The following RTL9 variants were observed in gnomAD, a reference collection of about 807,000 sequenced individuals.
RTL9 encodes retrotransposon Gag like 9, also known as retrotransposon Gag-like protein 9.
RTL9 carries 19 observed loss-of-function variants against 44.7 expected under a neutral mutation model. The observed-to-expected ratio is 0.42, with a 90% confidence interval of 0.30 to 0.62. RTL9 has a LOEUF of 0.62. RTL9 is among the 20% of genes least tolerant of loss of function. The pLI is 0.16. For synonymous variants in RTL9, 407 were observed against 398.9 expected, an observed-to-expected ratio of 1.02 and a Z score of -0.24; for missense variants, 1,105 against 1,080.6, an observed-to-expected ratio of 1.02 and a Z score of -0.32.
chrX:110,404,289 A>G (rs1225963661), intron 1 of RTL9, among the ~76,000 whole-genome samples: 6 of 111,381 alleles, frequency 5.4e-5, no homozygotes, highest in African/African-American at 2.0e-4. Flanking sequence ...CTGTCTTCTG[A>G]AGTCTTTACA....
At chrX:110,439,699 C>T (rs761543600) in intron 1 of RTL9, among the ~76,000 whole-genome samples, 12 of 111,268 alleles carry the variant, frequency 1.1e-4, no homozygotes, top group East Asian at 2.8e-4. Flanking sequence ...TGGGAAAGAA[C>T]GAACAGGCAT....
Position 110,375,782 on chromosome X carries a change from CAAGTTTTCTTAGCATGGA to C in RTL9, c.-168+16871_-168+16888del, listed in dbSNP as rs200349642. 1.5e-4 allele frequency among the ~76,000 whole-genome samples: 17 copies of C among 111,779 alleles called. No homozygotes were observed. In the East Asian group the frequency reaches 4.4e-3, roughly 29 times the overall value. On this transcript the variant is annotated intron_variant, in intron 1 of 2. Coordinates refer to the RTL9 transcript ENST00000520821. ...GAAATCATAAGTGGGCTAATGATTT[CAAGTTTTCTTAGCATGGA>C]AAGTAAGAAGAAAAGGAAAAGTATA...
intron 1 of RTL9, among the ~76,000 whole-genome samples, chrX:110,405,012 A>G (rs2068589000): frequency 9.1e-6 from 1 of 110,030 alleles, no homozygotes; most frequent in Non-Finnish European, 1.9e-5. Context: ...TGGAAACTAT[A>G]CATACTGTGA....
In RTL9 at chrX:110,369,350, A is replaced by G. The variant is rs919897392; in HGVS notation, c.-168+10434A>G. On this transcript the variant is annotated intron_variant, in intron 1 of 2. Coordinates refer to the RTL9 transcript ENST00000520821. ...CTGTCTCAGTAAAAGAAAAAAAGAA[A>G]AAAAGAAAAAGAAAGATTTTTGCCA... Among the ~76,000 whole-genome samples, 4 of 111,617 alleles carry G rather than the reference A, an allele frequency of 3.6e-5. No homozygotes were observed. In the Admixed American group the frequency reaches 3.8e-4, roughly 11 times the overall value.
In RTL9 at chrX:110,451,467, C is replaced by T. The variant is rs2068940364; in HGVS notation, c.850C>T (p.Gln284Ter). The T allele has an allele frequency of 8.3e-7, 1 of 1,210,166 alleles. No homozygotes were observed. The highest frequency in any genetic ancestry group is 2.2e-5 in the Admixed American group (1 of 45,865). Residue 284 changes from glutamine to a stop codon, truncating the protein, a stop_gained, in exon 1 of 2, where the codon CAG becomes TAG. Coordinates refer to ENST00000540313, the Ensembl canonical transcript of RTL9. LOFTEE classifies it high-confidence loss of function. Reference sequence around the variant, plus strand: ...TGTAGCTTCTGGAGGTACATCACCCCAGCCAACAAGCACCCAAAACTCTGG... The same window carrying T: ...TGTAGCTTCTGGAGGTACATCACCCTAGCCAACAAGCACCCAAAACTCTGG...
intron 1 of RTL9, among the ~76,000 whole-genome samples, chrX:110,410,812 G>T (rs921778723): frequency 8.9e-6 from 1 of 111,937 alleles, no homozygotes; most frequent in African/African-American, 3.2e-5. Context: ...CTTGGGACAA[G>T]TCCCAGCAGC....
chrX:110,407,829 C>T (rs2068613668), intron 1 of RTL9, among the ~76,000 whole-genome samples: 1 of 112,568 alleles, frequency 8.9e-6, no homozygotes, highest in South Asian at 3.7e-4. Flanking sequence ...TAATTCTTTC[C>T]TGTTTCAATA....
upstream of RTL9, among the ~76,000 whole-genome samples, chrX:110,416,605 C>A (rs2068679342): frequency 9.0e-6 from 1 of 111,692 alleles, no homozygotes; most frequent in Non-Finnish European, 1.9e-5. Context: ...GCATGCTACC[C>A]CCTGTGCCCT....
At chrX:110,424,762 G>T (rs1450579007) in intron 1 of RTL9, among the ~76,000 whole-genome samples, 1 of 111,774 alleles carries the variant, frequency 8.9e-6, no homozygotes, top group Non-Finnish European at 1.9e-5. Context: ...AAAGAGGCAG[G>T]CCTGGGTTAG....
Position 110,405,097 on chromosome X carries a change from C to A in RTL9, c.-167-40056C>A, listed in dbSNP as rs186850485. On this transcript the variant is annotated intron_variant, in intron 1 of 2. Coordinates refer to the RTL9 transcript ENST00000520821. The stretch of plus-strand genomic sequence containing the variant: ...AGGTGTGCTTGTTGTGTCCCCCCCC[C>A]CCCCAAGCATGAGTCAGAGCCTTTC... Among the ~76,000 whole-genome samples, 223 of 101,239 alleles carry A rather than the reference C, an allele frequency of 2.2e-3. 6 individuals carry two copies. The highest frequency in any genetic ancestry group is 9.7e-3 in the Middle Eastern group (2 of 207). The allele number at this position is 101,239 out of a possible 115,157, so 87.9% of individuals were successfully genotyped here. A position where few individuals can be genotyped will look rare whatever the true frequency, so the allele number is the denominator to read the frequency against.
intron 1 of RTL9, among the ~76,000 whole-genome samples, chrX:110,368,657 C>T (rs960551636): frequency 8.9e-6 from 1 of 111,919 alleles, no homozygotes; most frequent in African/African-American, 3.3e-5. Flanking sequence ...TAGTACTTGT[C>T]ATTTTCTGAT....
In RTL9 at chrX:110,453,384, G is replaced by C. The variant is rs771380169; in HGVS notation, c.2767G>C (p.Val923Leu). ...AAGGAGACCCTCAGCCTGTGAGACT[G>C]TGTCCACAGAGTTAATGAGAGCTTC... The change falls in exon 1 of 2, where the codon GTG becomes CTG. Residue 923 changes from valine (V) to leucine (L), a missense_variant. Physicochemically the swap from Val to Leu is conservative, Grantham distance 32. Coordinates refer to ENST00000540313, the Ensembl canonical transcript of RTL9. The C allele has an allele frequency of 3.3e-6, 4 of 1,211,093 alleles. No individual in the cohort carries two copies. The East Asian group carries it at 1.2e-4, about 36-fold the overall frequency.
intron 1 of RTL9, among the ~76,000 whole-genome samples, chrX:110,442,887 A>G (rs917931095): frequency 1.8e-5 from 2 of 112,098 alleles, no homozygotes; most frequent in Non-Finnish European, 3.8e-5. Context: ...CAAACAGCCT[A>G]TGAAGGAACC....
chrX:110,443,311 A>G (rs2068892631), intron 1 of RTL9, among the ~76,000 whole-genome samples: 1 of 111,201 alleles, frequency 9.0e-6, no homozygotes, highest in African/African-American at 3.3e-5. Flanking sequence ...GGTTAAATGC[A>G]GGTTCCTTGG....
At chrX:110,386,651 C>CTAG (rs2068457329) in intron 1 of RTL9, among the ~76,000 whole-genome samples, 1 of 111,464 alleles carries the variant, frequency 9.0e-6, no homozygotes, top group South Asian at 3.7e-4. Flanking sequence ...TTTCTTGAAG[C>CTAG]TATTATTATT....
chrX:110,403,668 G>A (rs1270274040), intron 1 of RTL9, among the ~76,000 whole-genome samples: 2 of 111,790 alleles, frequency 1.8e-5, no homozygotes, highest in Non-Finnish European at 3.8e-5. Flanking sequence ...AACCCCAAAA[G>A]CTCTGGAAAC....
At chrX:110,429,581 C>G (rs894834572) in intron 1 of RTL9, among the ~76,000 whole-genome samples, 3 of 108,131 alleles carry the variant, frequency 2.8e-5, no homozygotes, top group Non-Finnish European at 3.8e-5. Flanking sequence ...CTCCTGGGTT[C>G]AAGTGATTCT....
intron 1 of RTL9, among the ~76,000 whole-genome samples, chrX:110,405,195 AGGTCACGT>A (rs2068592933): frequency 9.2e-6 from 1 of 109,268 alleles, no homozygotes; most frequent in South Asian, 4.1e-4. Context: ...CTTTTTAAAA[AGGTCACGT>A]TGCAATTTTT....
chrX:110,392,344 T>C (rs1028036298), intron 1 of RTL9, among the ~76,000 whole-genome samples: 3 of 106,182 alleles, frequency 2.8e-5, no homozygotes, highest in South Asian at 9.3e-4. Context: ...GGTGTAATCA[T>C]GGCTCACTGC....
Sources: allele counts gnomAD v4.1 joint callset (sites outside exome capture counted in the v4.1 genomes callset), GRCh38; gene constraint gnomAD v4.1.1; transcripts MANE v1.5; gene names NCBI Gene and HGNC (gene_info 2026-07-23, HGNC 2026-07-21).